PCBP3: variants seen among roughly 807,000 people sequenced by gnomAD.
The protein encoded by PCBP3 is poly(rC)-binding protein 3.
PCBP3 carries 25 observed loss-of-function variants against 52.7 expected under a neutral mutation model. The observed-to-expected ratio is 0.47, with a 90% CI of 0.35 to 0.66. The LOEUF is 0.66. Ranked by LOEUF, PCBP3 falls within the 30% of genes least tolerant of loss-of-function variation. PCBP3 has a pLI of 0.01. For missense variants in PCBP3, 391 were observed against 490.3 expected (o/e 0.80, Z 1.91); for synonymous variants, 162 against 183.0 (o/e 0.89, Z 0.93).
intron 5 of PCBP3, 53 bp from the exon 6 acceptor site, chr21:45,896,149 CTGGATG>C: frequency 6.0e-6 from 9 of 1,512,038 alleles, no homozygotes; most frequent in Non-Finnish European, 8.1e-6. Context: ...CAGGACACCC[CTGGATG>C]TGCGTGGTCC....
At chr21:45,843,839 T>G (rs961014858) in intron 4 of PCBP3, among the ~76,000 whole-genome samples, 1 of 152,238 alleles carries the variant, frequency 6.6e-6, no homozygotes, top group African/African-American at 2.4e-5. Context: ...TACCTCTGCT[T>G]GTCAGGTACA....
intron 2 of PCBP3, among the ~76,000 whole-genome samples, chr21:45,683,798 C>T (rs964725988): frequency 3.3e-5 from 5 of 152,008 alleles, no homozygotes; most frequent in East Asian, 1.9e-4. Context: ...TGGTAGCAGG[C>T]GCCTGTAGTT....
chr21:45,909,318 G>A (rs754747647), intron 9 of PCBP3, 37 bp from the exon 10 acceptor site: 113 of 1,599,718 alleles, frequency 7.1e-5, no homozygotes, highest in Non-Finnish European at 8.8e-5. Flanking sequence ...ACTGCACGAC[G>A]CCTGAAGTGC....
chr21:45,835,304 G>C (rs1279325654), intron 4 of PCBP3, among the ~76,000 whole-genome samples: 1 of 152,082 alleles, frequency 6.6e-6, no homozygotes, highest in Non-Finnish European at 1.5e-5. Flanking sequence ...CACAAGACTC[G>C]CCCCACTCCG....
At chr21:45,840,046 A>C (rs1304660102) in intron 4 of PCBP3, among the ~76,000 whole-genome samples, 1 of 152,168 alleles carries the variant, frequency 6.6e-6, no homozygotes, top group African/African-American at 2.4e-5. Context: ...TTAAGAATAG[A>C]AAGAAGCTTA....
chr21:45,794,045 T>C (rs1225826411), intron 4 of PCBP3, among the ~76,000 whole-genome samples: 1 of 152,182 alleles, frequency 6.6e-6, no homozygotes, highest in Non-Finnish European at 1.5e-5. Context: ...GTATGCAAAT[T>C]AAAATACTAT....
At chr21:45,925,430 A>G (rs1238081843) in intron 13 of PCBP3, among the ~76,000 whole-genome samples, 4 of 152,274 alleles carry the variant, frequency 2.6e-5, no homozygotes. Context: ...GGACAATTAG[A>G]AAACAAGTGT....
chr21:45,888,694 G>A (rs1436140034), intron 5 of PCBP3, among the ~76,000 whole-genome samples: 1 of 152,270 alleles, frequency 6.6e-6, no homozygotes, highest in African/African-American at 2.4e-5. Context: ...ATCCCTGGTG[G>A]GTTTTGAGTG....
chr21:45,763,813 T>C (rs1199370608), intron 4 of PCBP3: 2 of 152,460 alleles, frequency 1.3e-5, no homozygotes, highest in Admixed American at 1.3e-4. Flanking sequence ...CAGGCCCCCT[T>C]CCTCTCTCTC....
At chr21:45,861,802 G>C (rs2094520291) in intron 5 of PCBP3, among the ~76,000 whole-genome samples, 1 of 152,194 alleles carries the variant, frequency 6.6e-6, no homozygotes, top group South Asian at 2.1e-4. Context: ...AAATAAGAGA[G>C]AGACAGAACG....
chr21:45,822,140 G>A (rs992718316), intron 4 of PCBP3, among the ~76,000 whole-genome samples: 1 of 152,166 alleles, frequency 6.6e-6, no homozygotes, highest in African/African-American at 2.4e-5. Context: ...TCTGTGTTCA[G>A]TGTGAGGCCA....
intron 2 of PCBP3, among the ~76,000 whole-genome samples, chr21:45,722,520 A>T (rs1389292245): frequency 6.6e-6 from 1 of 152,176 alleles, no homozygotes; most frequent in East Asian, 1.9e-4. Context: ...TTTTTTTTTA[A>T]GCATAAAAGC....
chr21:45,717,804 T>A (rs534140450), intron 2 of PCBP3, among the ~76,000 whole-genome samples: 19 of 152,366 alleles, frequency 1.2e-4, no homozygotes, highest in Admixed American at 5.9e-4. Flanking sequence ...TCTCTTGATG[T>A]CTTTGTTTGG....
intron 9 of PCBP3, among the ~76,000 whole-genome samples, chr21:45,909,073 C>G (rs896662745): frequency 6.6e-6 from 1 of 152,100 alleles, no homozygotes; most frequent in Non-Finnish European, 1.5e-5. Flanking sequence ...GTCCACACCC[C>G]CTTCCCACCA....
In PCBP3 at chr21:45,853,234, T is replaced by C. The variant is rs555836262; in HGVS notation, c.10+3139T>C. Among the ~76,000 whole-genome samples, 2 of 152,252 alleles carry C rather than the reference T, an allele frequency of 1.3e-5. No individual in the cohort carries two copies. The highest frequency in any genetic ancestry group is 4.8e-5 in the African/African-American group (2 of 41,534). On this transcript the variant is annotated intron_variant, in intron 5 of 17. Coordinates refer to ENST00000681687, the MANE Select transcript of PCBP3 (RefSeq NM_001384156.1). This position sits in a 1 kb window ranked among gnomAD's most constrained non-coding sequence, Gnocchi z 4.6. ...CACAGCATCTCCTTGTTGTGCTCCG[T>C]GGATGTCGGGGTGGAAGGTGACCTC...
chr21:45,723,505 A>T (rs1480053165), intron 2 of PCBP3, among the ~76,000 whole-genome samples: 1 of 152,276 alleles, frequency 6.6e-6, no homozygotes, highest in Non-Finnish European at 1.5e-5. Flanking sequence ...ATTGAAACAA[A>T]AATCATTTCG....
At position 45,821,832 on chromosome 21, in the gene PCBP3, G is replaced by A. The variant is rs1396382830; in HGVS notation, c.-125-28129G>A. On this transcript the variant is annotated intron_variant, in intron 4 of 17. Coordinates refer to ENST00000681687, the MANE Select transcript of PCBP3 (RefSeq NM_001384156.1). The surrounding 1 kb of genome is among the most constrained non-coding windows in gnomAD (Gnocchi z 4.4). ...CAGCAGAGCCCAGCCCTGGCCCTTC[G>A]AGCTTCCGTCCTGCAAGCACCGGCA... Among the ~76,000 whole-genome samples, 7 of 152,174 alleles carry A rather than the reference G, an allele frequency of 4.6e-5. No individual in the cohort carries two copies. Among genetic ancestry groups the A allele is most frequent in the Non-Finnish European group, 7.3e-5 (5 of 68,036 alleles).
At chr21:45,918,291 A>G (rs1018737386) in intron 13 of PCBP3, 1 of 107,998 alleles carries the variant, frequency 9.3e-6, no homozygotes, top group African/African-American at 2.8e-5. Context: ...TCTAGGTGTA[A>G]TTCCAGTGCT....
chr21:45,929,803 G>A (rs1244705907), intron 13 of PCBP3, 114 bp from the exon 14 acceptor site: 58 of 769,964 alleles, frequency 7.5e-5, no homozygotes, highest in South Asian at 3.1e-4. Flanking sequence ...CCATGTGTCC[G>A]CATGGCCCTC....
Sources: gnomAD v4.1 joint callset for allele counts (sites outside exome capture counted in the v4.1 genomes callset) on GRCh38, gnomAD v4.1.1 for gene constraint, Gnocchi (gnomAD v3.1) non-coding constraint, MANE v1.5 for transcripts, NCBI Gene and HGNC (gene_info 2026-07-23, HGNC 2026-07-21) for gene names.